Variants in NRXN2 observed in about 807,000 individuals in gnomAD.
NRXN2 encodes neurexin 2.
Under a neutral mutation model 128.8 loss-of-function variants are expected in NRXN2, and 29 were observed. The observed-to-expected ratio is 0.23, with a 90% CI of 0.17 to 0.31. The LOEUF is 0.31. Among genes scored for constraint, NRXN2 ranks in the 10% least tolerant of loss-of-function variants. NRXN2 has a pLI of 1.00. For synonymous variants in NRXN2, 1,098 were observed against 1,075.2 expected, an observed-to-expected ratio of 1.02 and a Z score of -0.41; for missense variants, 1,881 against 2,452.6, an observed-to-expected ratio of 0.77 and a Z score of 4.92.
rs539086070 is a variant in NRXN2, at chr11:64,722,235, C to T, written c.-245+736G>A. Among the ~76,000 whole-genome samples the T allele has an allele frequency of 8.0e-5, 12 of 150,170 alleles. No individual in the cohort carries two copies. In the South Asian group the frequency reaches 1.3e-3, roughly 16 times the overall value. Reference sequence around the variant, plus strand: ...ACCAGAACCCTGTCACCGCCCCCAGCGCATTCCCACCCCAGCAAAGCCCCC... The same window carrying T: ...ACCAGAACCCTGTCACCGCCCCCAGTGCATTCCCACCCCAGCAAAGCCCCC... On this transcript the variant is annotated intron_variant, in intron 1 of 22. Coordinates refer to ENST00000265459, the MANE Select transcript of NRXN2 (RefSeq NM_015080.4).
chr11:64,691,663 C>G (rs1259872345), intron 4 of NRXN2, among the ~76,000 whole-genome samples: 1 of 152,134 alleles, frequency 6.6e-6, no homozygotes, highest in Non-Finnish European at 1.5e-5. Flanking sequence ...CCCATAGAAC[C>G]AGGCACTGAG....
rs769489116 is a variant in NRXN2 at position 64,685,723 on chromosome 11, C to A, written c.1075G>T (p.Ala359Ser). ...VINLGSGAFE[A>S]LVEPVNGKFN... is the part of the protein sequence containing the mutation. ...TTGCCATTGACGGGTTCCACAAGGGCCTCGAAGGCACCTGAGCCTAGGTTG... is the reference window on the plus strand; with the variant it reads ...TTGCCATTGACGGGTTCCACAAGGGACTCGAAGGCACCTGAGCCTAGGTTG... Residue 359 changes from alanine (A) to serine (S), a missense_variant, in exon 6 of 23, where the codon GCC becomes TCC. By Grantham distance (99) the Ala-to-Ser change is moderately conservative. Around this residue, in one of 7 missense-constraint regions of NRXN2, gnomAD observed 997 missense variants for 1,240.8 expected, o/e 0.80. Coordinates refer to ENST00000265459, the MANE Select transcript of NRXN2 (RefSeq NM_015080.4). 1.1e-5 allele frequency: 17 copies of A among 1,614,238 alleles called. No individual in the cohort carries two copies. The East Asian group carries it at 3.6e-4, about 34-fold the overall frequency.
intron 2 of NRXN2, among the ~76,000 whole-genome samples, chr11:64,702,902 T>C (rs1166955208): frequency 7.1e-6 from 1 of 141,134 alleles, no homozygotes; most frequent in Non-Finnish European, 1.5e-5. Context: ...AAATAGAGGA[T>C]CATTTGAGCC....
intron 17 of NRXN2, among the ~76,000 whole-genome samples, chr11:64,638,520 T>C (rs1591681794): frequency 6.6e-6 from 1 of 152,016 alleles, no homozygotes; most frequent in Non-Finnish European, 1.5e-5. Flanking sequence ...CAAGCTGTCC[T>C]CGGCCCTGCC....
At chr11:64,639,885 C>T (rs2045401420) in intron 17 of NRXN2, among the ~76,000 whole-genome samples, 1 of 152,134 alleles carries the variant, frequency 6.6e-6, no homozygotes, top group Non-Finnish European at 1.5e-5. Flanking sequence ...CCTGAGCTGG[C>T]CTGGTCCTCC....
At chr11:64,720,273 G>T (rs1360111773) in intron 1 of NRXN2, among the ~76,000 whole-genome samples, 1 of 152,252 alleles carries the variant, frequency 6.6e-6, no homozygotes, top group Non-Finnish European at 1.5e-5. Context: ...GTCTCCGAGA[G>T]CCCACAGGCC....
At chr11:64,718,473 G>A (rs1327206910) in intron 1 of NRXN2, among the ~76,000 whole-genome samples, 14 of 152,222 alleles carry the variant, frequency 9.2e-5, no homozygotes, top group Admixed American at 7.2e-4. Context: ...AAGGCAGCCC[G>A]TGGACAGGTG....
chr11:64,658,437 G>A (rs1414158753), intron 11 of NRXN2, among the ~76,000 whole-genome samples: 2 of 152,214 alleles, frequency 1.3e-5, no homozygotes, highest in Non-Finnish European at 2.9e-5. Flanking sequence ...TTCCCCTGCA[G>A]AGCTGCTGCA....
Position 64,688,716 on chromosome 11 carries a change from T to A in NRXN2, c.850+1689A>T, listed in dbSNP as rs2053429396. The A allele has an allele frequency of 6.1e-6, 6 of 984,324 alleles. No individual in the cohort carries two copies. The South Asian group carries it at 2.8e-4, about 46-fold the overall frequency. The allele number at this position is 984,324 out of a possible 1,614,324, so 61.0% of individuals were successfully genotyped here. ...TCGTTTATCTCCCACAGTTGGGGAG[T>A]CTGTAGCCCTACAAGTGTCCCCAGT... is the stretch of plus-strand genomic sequence containing the variant. On this transcript the variant is annotated intron_variant, in intron 5 of 22. Coordinates refer to ENST00000265459, the MANE Select transcript of NRXN2 (RefSeq NM_015080.4).
intron 7 of NRXN2, chr11:64,676,635 G>A (rs2051354005): frequency 3.1e-6 from 1 of 321,896 alleles, no homozygotes; most frequent in East Asian, 5.8e-5. Flanking sequence ...TAAAGCAATA[G>A]AAATAAGCAG....
chr11:64,661,885 G>C lies in NRXN2; in HGVS notation c.1799-746C>G, dbSNP rs563752245. Reference sequence around the variant, plus strand: ...GGTGCACAAGCAGATTGGCTCCAGGGCCTGCGGGGCAGGACAGCAGTGAGG... The same window carrying C: ...GGTGCACAAGCAGATTGGCTCCAGGCCCTGCGGGGCAGGACAGCAGTGAGG... On this transcript the variant is annotated intron_variant, in intron 9 of 22. Transcript: ENST00000265459. 7.2e-5 allele frequency among the ~76,000 whole-genome samples: 11 copies of C among 152,284 alleles called. No homozygotes were observed. In the East Asian group the frequency reaches 1.9e-3, roughly 27 times the overall value.
intron 17 of NRXN2, among the ~76,000 whole-genome samples, chr11:64,641,960 G>A (rs2045740724): frequency 6.6e-6 from 1 of 152,042 alleles, no homozygotes; most frequent in African/African-American, 2.4e-5. Flanking sequence ...GGAAAAGAAA[G>A]GAAGGTTGCT....
In NRXN2 at chr11:64,713,683, C is replaced by T; in HGVS notation, c.17G>A (p.Arg6Gln). 1 of 1,141,784 alleles carries T rather than the reference C, an allele frequency of 8.8e-7. No homozygotes were observed. Among genetic ancestry groups the T allele is most frequent in the African/African-American group, 1.6e-5 (1 of 60,872 alleles). The allele number at this position is 1,141,784 out of a possible 1,614,324, so 70.7% of individuals were successfully genotyped here. A position where few individuals can be genotyped will look rare whatever the true frequency, so the allele number is the denominator to read the frequency against. The change falls in exon 2 of 23, where the codon CGG becomes CAG. Residue 6 changes from arginine to glutamine, a missense_variant. This residue lies in a region of NRXN2 where 997 missense variants were observed against 1,240.8 expected (regional missense o/e 0.80). Transcript: ENST00000265459. The part of the protein sequence containing the change: MASGS[R>Q]WRPTPPPLLL... ...CAGCGGCGGCGGTGTCGGCCGCCAC[C>T]GGCTCCCGGACGCCATGCCTACGGC... is the stretch of plus-strand genomic sequence containing the variant.
Position 64,651,795 on chromosome 11 carries a change from G to A in NRXN2, c.2537-159C>T, listed in dbSNP as rs1409817493. Among the ~76,000 whole-genome samples the A allele has an allele frequency of 6.6e-6, 1 of 152,150 alleles. No homozygotes were observed. The highest frequency in any genetic ancestry group is 1.5e-5 in the Non-Finnish European group (1 of 68,014). On this transcript the variant is annotated intron_variant, in intron 13 of 22. Transcript: ENST00000265459. The surrounding 1 kb of genome is among the most constrained non-coding windows in gnomAD (Gnocchi z 5.9). ...AGCAGCCAGCACAGCTCCAAGAGGA[G>A]TGGCAGGACTCGCCAGTCAAGAGCC...
intron 1 of NRXN2, among the ~76,000 whole-genome samples, chr11:64,716,165 C>A (rs2057297934): frequency 6.6e-6 from 1 of 152,232 alleles, no homozygotes; most frequent in Non-Finnish European, 1.5e-5. Flanking sequence ...CATCCACCCC[C>A]ACCTCCGGAC....
chr11:64,655,805 AAGCCAGAG>A, intron 11 of NRXN2, among the ~76,000 whole-genome samples: 1 of 152,174 alleles, frequency 6.6e-6, no homozygotes, highest in Non-Finnish European at 1.5e-5. Flanking sequence ...ATCCAGAAGA[AAGCCAGAG>A]ACTGAGAGTG....
At chr11:64,637,170 A>C (rs2044854099) in intron 17 of NRXN2, among the ~76,000 whole-genome samples, 1 of 152,046 alleles carries the variant, frequency 6.6e-6, no homozygotes, top group African/African-American at 2.4e-5. Flanking sequence ...GAGGGAAAGA[A>C]CCACCTGGAT....
intron 22 of NRXN2, among the ~76,000 whole-genome samples, chr11:64,613,816 G>A (rs1223375855): frequency 6.6e-6 from 1 of 152,190 alleles, no homozygotes; most frequent in African/African-American, 2.4e-5. Context: ...AGGCACTCGT[G>A]ACAATCCAAG....
At chr11:64,709,085 A>C (rs1234387824) in intron 2 of NRXN2, among the ~76,000 whole-genome samples, 2 of 151,294 alleles carry the variant, frequency 1.3e-5, no homozygotes, top group African/African-American at 4.9e-5. Flanking sequence ...CCAGCTACTC[A>C]GGAGGCTGAG....
Sources: gnomAD v4.1 joint callset for allele counts (sites outside exome capture counted in the v4.1 genomes callset) on GRCh38, gnomAD v4.1.1 for gene constraint, gnomAD v4.1.1 regional missense constraint, Gnocchi (gnomAD v3.1) non-coding constraint, MANE v1.5 for transcripts, NCBI Gene and HGNC (gene_info 2026-07-23, HGNC 2026-07-21) for gene names.